Variants in EPHB1 observed in about 807,000 individuals in gnomAD.
EPHB1 encodes the protein ephrin type-B receptor 1.
A neutral mutation model predicts 94.4 loss-of-function variants in EPHB1; 30 were observed. The observed-to-expected ratio is 0.32, with a 90% CI of 0.24 to 0.43. The LOEUF (loss-of-function observed/expected upper bound fraction) is 0.43. EPHB1 is among the 20% of genes least tolerant of loss of function. The pLI is 1.00. For synonymous variants in EPHB1, 522 were observed against 489.1 expected (o/e 1.07, Z -0.89); for missense variants, 1,055 against 1,308.3 (o/e 0.81, Z 2.99).
intron 12 of EPHB1, among the ~76,000 whole-genome samples, chr3:135,212,653 A>C (rs1001144078): frequency 6.6e-6 from 1 of 152,174 alleles, no homozygotes; most frequent in South Asian, 2.1e-4. Flanking sequence ...ACTCTCCAGC[A>C]GCCCTAATTG....
chr3:135,078,730 C>T (rs58760575), intron 3 of EPHB1, among the ~76,000 whole-genome samples: 13,324 of 152,228 alleles, frequency 0.088, 776 homozygotes, highest in African/African-American at 0.17. Flanking sequence ...TAGCAAAGAG[C>T]GGCCTGGGCC....
chr3:135,168,727 T>C (rs989642379), intron 9 of EPHB1, among the ~76,000 whole-genome samples: 19 of 152,300 alleles, frequency 1.2e-4, no homozygotes, highest in Admixed American at 5.9e-4. Context: ...GCTGGCTCTT[T>C]TTCATCATGA....
chr3:134,986,981 A>C (rs2107736115), intron 3 of EPHB1, among the ~76,000 whole-genome samples: 1 of 152,238 alleles, frequency 6.6e-6, no homozygotes, highest in African/African-American at 2.4e-5. Context: ...TGAGTATGAA[A>C]ACAACTGGAC....
intron 3 of EPHB1, among the ~76,000 whole-genome samples, chr3:135,070,694 TTTATAC>T (rs1412938893): frequency 6.6e-6 from 1 of 152,214 alleles, no homozygotes; most frequent in Non-Finnish European, 1.5e-5. Flanking sequence ...ATTTAATTAA[TTTATAC>T]TTCATTAATA....
At chr3:134,844,570 A>G (rs538896436) in intron 1 of EPHB1, among the ~76,000 whole-genome samples, 1 of 152,304 alleles carries the variant, frequency 6.6e-6, no homozygotes, top group African/African-American at 2.4e-5. Flanking sequence ...AAATCAAGTG[A>G]GTTCCCTTTG....
chr3:135,234,923 A>G (rs1331053678), intron 12 of EPHB1, among the ~76,000 whole-genome samples: 1 of 152,222 alleles, frequency 6.6e-6, no homozygotes, highest in Non-Finnish European at 1.5e-5. Context: ...GTAGTAACAC[A>G]GCCAAACCAT....
intron 6 of EPHB1, 35 bp from the exon 7 acceptor site, chr3:135,161,983 A>T: frequency 6.3e-7 from 1 of 1,578,892 alleles, no homozygotes; most frequent in Non-Finnish European, 8.6e-7. Context: ...GCCTTCAGGA[A>T]TGGGATAGTG....
chr3:134,941,807 A>G (rs572371516), intron 2 of EPHB1, among the ~76,000 whole-genome samples: 3 of 150,084 alleles, frequency 2.0e-5, no homozygotes, highest in Non-Finnish European at 4.4e-5. Context: ...ACAATCAGCC[A>G]GACTGCAGAG....
In EPHB1 at chr3:134,834,481, A is replaced by G. The variant is rs536512802; in HGVS notation, c.58+38792A>G. On this transcript the variant is annotated intron_variant, in intron 1 of 15. Transcript: ENST00000398015. ...TGTTTGGTCTTGTCTGCAGTGTGAC[A>G]TCACAGCTGGGTGTCATCCCCAGGG... Among the ~76,000 whole-genome samples, 7 of 152,316 alleles carry G rather than the reference A, an allele frequency of 4.6e-5. No homozygotes were observed. In the East Asian group the frequency reaches 1.4e-3, roughly 29 times the overall value.
At chr3:135,216,444 C>T (rs1289656660) in intron 12 of EPHB1, among the ~76,000 whole-genome samples, 8 of 151,928 alleles carry the variant, frequency 5.3e-5, no homozygotes, top group South Asian at 2.1e-4. Context: ...AGTCTTGAGC[C>T]GGGCACGGTG....
rs534176879 is a variant in EPHB1 at position 135,185,702 on chromosome 3, T to G, written c.1882+5720T>G. ...CTGGAGAATGTAACCCTCACATGAA[T>G]GTAACCCTAGGGCTGTTGCGTATAG... On this transcript the variant is annotated intron_variant, in intron 10 of 15. Transcript: ENST00000398015. 7.9e-5 allele frequency among the ~76,000 whole-genome samples: 12 copies of G among 152,314 alleles called. No homozygotes were observed. The East Asian group carries it at 2.1e-3, about 27-fold the overall frequency.
chr3:135,212,774 TA>T (rs1289859757), intron 12 of EPHB1, among the ~76,000 whole-genome samples: 1 of 152,262 alleles, frequency 6.6e-6, no homozygotes, highest in African/African-American at 2.4e-5. Flanking sequence ...CTACAGAAGA[TA>T]AAACCTTGTG....
chr3:135,019,840 A>T (rs1196687473), intron 3 of EPHB1, among the ~76,000 whole-genome samples: 1 of 152,256 alleles, frequency 6.6e-6, no homozygotes, highest in African/African-American at 2.4e-5. Context: ...CACAAATAAT[A>T]ATGTTGTGAA....
At chr3:134,987,452 A>G (rs1465353009) in intron 3 of EPHB1, among the ~76,000 whole-genome samples, 1 of 152,162 alleles carries the variant, frequency 6.6e-6, no homozygotes, top group African/African-American at 2.4e-5. Flanking sequence ...CTGTTTCTGT[A>G]CATGCACACA....
intron 3 of EPHB1, among the ~76,000 whole-genome samples, chr3:135,021,552 G>A (rs553799673): frequency 3.4e-5 from 5 of 145,810 alleles, no homozygotes; most frequent in African/African-American, 5.2e-5. Flanking sequence ...CTAATTATAA[G>A]ATATTTTCTG....
chr3:134,931,161 T>C (rs921277043), intron 2 of EPHB1, among the ~76,000 whole-genome samples: 2 of 152,228 alleles, frequency 1.3e-5, no homozygotes, highest in African/African-American at 4.8e-5. Context: ...TGGTTGTCAA[T>C]ATCTTTTTAA....
intron 3 of EPHB1, among the ~76,000 whole-genome samples, chr3:135,106,072 G>A (rs1028928210): frequency 6.6e-6 from 1 of 152,268 alleles, no homozygotes; most frequent in Middle Eastern, 3.4e-3. Context: ...GAGTGGCTCA[G>A]GGAAAGGCCA....
intron 2 of EPHB1, among the ~76,000 whole-genome samples, chr3:134,938,965 A>C (rs972823996): frequency 3.9e-5 from 6 of 152,132 alleles, no homozygotes; most frequent in Non-Finnish European, 8.8e-5. Flanking sequence ...AGGTTAGAGC[A>C]GTGCTGTTCT....
intron 9 of EPHB1, among the ~76,000 whole-genome samples, chr3:135,171,823 C>T (rs1941811386): frequency 6.6e-6 from 1 of 152,106 alleles, no homozygotes; most frequent in African/African-American, 2.4e-5. Flanking sequence ...AGTTTCATCC[C>T]CCTAACAGCC....
Sources: gnomAD v4.1 joint callset for allele counts (sites outside exome capture counted in the v4.1 genomes callset) on GRCh38, gnomAD v4.1.1 for gene constraint, MANE v1.5 for transcripts, NCBI Gene and HGNC (gene_info 2026-07-23, HGNC 2026-07-21) for gene names.